The following ONECUT2 variants were observed in gnomAD, a reference collection of about 807,000 sequenced individuals.
The protein encoded by ONECUT2 is one cut domain family member 2.
Under a neutral mutation model 27.9 loss-of-function variants are expected in ONECUT2, and 10 were observed. The observed-to-expected ratio is 0.36, with a 90% CI of 0.22 to 0.61. The LOEUF is 0.61. ONECUT2 is among the 20% of genes least tolerant of loss of function. ONECUT2 has a pLI of 0.73. For missense variants in ONECUT2, 686 were observed against 721.0 expected (o/e 0.95, Z 0.56); for synonymous variants, 334 against 315.1 (o/e 1.06, Z -0.64).
chr18:57,478,504 C>A lies in ONECUT2; in HGVS notation c.*1781C>A, dbSNP rs190840530. ...AATCACCACCAATAAGAAGGAAGCA[C>A]GCCAGAAAATAAACGAAAACAAAAA... is the stretch of plus-strand genomic sequence containing the variant. On this transcript the variant is annotated 3_prime_UTR_variant, in exon 2 of 2. Coordinates refer to ENST00000491143, the MANE Select transcript of ONECUT2 (RefSeq NM_004852.3). 3 of 152,562 alleles carry A rather than the reference C, an allele frequency of 2.0e-5. No homozygotes were observed. The highest frequency in any genetic ancestry group is 2.9e-5 in the Non-Finnish European group (2 of 68,040). 9.5% of individuals were successfully genotyped at this position (152,562 alleles called of 1,614,324 possible). A position where few individuals can be genotyped will look rare whatever the true frequency, so the allele number is the denominator to read the frequency against.
chr18:57,441,486 C>G (rs931683471), intron 1 of ONECUT2, among the ~76,000 whole-genome samples: 2 of 152,228 alleles, frequency 1.3e-5, no homozygotes, highest in African/African-American at 4.8e-5. Flanking sequence ...CCTCCTCTCG[C>G]GGGGCTCTCT....
intron 1 of ONECUT2, among the ~76,000 whole-genome samples, chr18:57,450,611 G>A (rs148964770): frequency 8.5e-5 from 13 of 152,286 alleles, no homozygotes; most frequent in African/African-American, 2.4e-4. Context: ...TGATGTCTTC[G>A]TTAATAGCAA....
intron 1 of ONECUT2, among the ~76,000 whole-genome samples, chr18:57,473,262 C>A (rs2122149442): frequency 6.6e-6 from 1 of 152,324 alleles, no homozygotes; most frequent in Middle Eastern, 3.4e-3. Flanking sequence ...TTCCCTGGGT[C>A]TGCAGCAAAC....
At chr18:57,452,410 GTATTTTATTT>G (rs59877360) in intron 1 of ONECUT2, among the ~76,000 whole-genome samples, 16 of 150,886 alleles carry the variant, frequency 1.1e-4, no homozygotes, top group South Asian at 6.3e-4. Context: ...AGCTCAACCT[GTATTTTATTT>G]TATTTTATTT....
In ONECUT2 at chr18:57,488,901, T is replaced by TG. The variant is rs2050450778; in HGVS notation, c.*12178_*12179insG. 3.1e-5 allele frequency: 3 copies of TG among 97,858 alleles called. No homozygotes were observed. The highest frequency in any genetic ancestry group is 8.9e-5 in the Non-Finnish European group (3 of 33,630). 6.1% of individuals were successfully genotyped at this position (97,858 alleles called of 1,614,324 possible). A position where few individuals can be genotyped will look rare whatever the true frequency, so the allele number is the denominator to read the frequency against. On this transcript the variant is annotated 3_prime_UTR_variant, in exon 2 of 2. Transcript: ENST00000491143. ...GGGCCAAAAATCTCTAACCTCACTC[T>TG]CTCTGGACTCCAACACTTCCCTGCA...
At chr18:57,446,080 G>C (rs1233934891) in intron 1 of ONECUT2, among the ~76,000 whole-genome samples, 1 of 152,250 alleles carries the variant, frequency 6.6e-6, no homozygotes, top group Non-Finnish European at 1.5e-5. Context: ...GGTCACGCCA[G>C]TCAGTCTGTA....
intron 1 of ONECUT2, chr18:57,444,461 G>A (rs2144298884): frequency 2.2e-6 from 1 of 456,150 alleles, no homozygotes; most frequent in East Asian, 7.0e-5. Flanking sequence ...AAGGGTGATT[G>A]GCAGCCATTG....
At chr18:57,474,396 A>C (rs1383182297) in intron 1 of ONECUT2, among the ~76,000 whole-genome samples, 3 of 152,222 alleles carry the variant, frequency 2.0e-5, no homozygotes, top group Non-Finnish European at 2.9e-5. Flanking sequence ...CAACCACAAC[A>C]ACAAAATACC....
intron 1 of ONECUT2, among the ~76,000 whole-genome samples, chr18:57,466,563 C>A (rs930651248): frequency 6.6e-6 from 1 of 152,202 alleles, no homozygotes; most frequent in African/African-American, 2.4e-5. Context: ...GCTAAAGATC[C>A]CTCTTTGCCA....
At position 57,436,923 on chromosome 18, in the gene ONECUT2, A is replaced by T; in HGVS notation, c.1207A>T (p.Met403Leu). The T allele has an allele frequency of 3.1e-6, 5 of 1,608,046 alleles. No homozygotes were observed. The highest frequency in any genetic ancestry group is 4.2e-6 in the Non-Finnish European group (5 of 1,177,534). Residue 403 changes from methionine to leucine, a missense_variant, in exon 1 of 2, where the codon ATG becomes TTG. By Grantham distance (15) the Met-to-Leu change is conservative (BLOSUM62 2). Transcript: ENST00000491143. The surrounding 1 kb of genome is among the most constrained non-coding windows in gnomAD (Gnocchi z 5.9). Reference sequence around the variant, plus strand: ...GCTTCAGGAGCCCGAGTTCCAGCGCATGTCCGCCTTACGCCTGGCAGGTAA... The same window carrying T: ...GCTTCAGGAGCCCGAGTTCCAGCGCTTGTCCGCCTTACGCCTGGCAGGTAA... ...KWLQEPEFQR[M>L]SALRLAACKR...
chr18:57,449,764 C>A (rs1205153335), intron 1 of ONECUT2, among the ~76,000 whole-genome samples: 2 of 152,244 alleles, frequency 1.3e-5, no homozygotes, highest in Non-Finnish European at 2.9e-5. Flanking sequence ...TTCCTTATCT[C>A]ATCAGTCCTT....
chr18:57,477,002 A>C lies in ONECUT2; in HGVS notation c.*279A>C. The stretch of plus-strand genomic sequence containing the variant: ...CATGCTAAGCATCCCAGAAACCCAA[A>C]TGGGGCCTTCCTGGAGCGAGTTAAT... On this transcript the variant is annotated 3_prime_UTR_variant, in exon 2 of 2. Transcript: ENST00000491143. The C allele has an allele frequency of 9.5e-5, 40 of 421,844 alleles. No homozygotes were observed. Among genetic ancestry groups the C allele is most frequent in the Middle Eastern group, 6.6e-4 (1 of 1,512 alleles). 26.1% of individuals were successfully genotyped at this position (421,844 alleles called of 1,614,324 possible).
intron 1 of ONECUT2, among the ~76,000 whole-genome samples, chr18:57,445,965 G>A (rs2050198794): frequency 6.6e-6 from 1 of 152,370 alleles, no homozygotes; most frequent in South Asian, 2.1e-4. Context: ...TCAGAATAAT[G>A]TGCTCCATTA....
intron 1 of ONECUT2, among the ~76,000 whole-genome samples, chr18:57,451,018 C>A (rs913263111): frequency 6.6e-6 from 1 of 152,174 alleles, no homozygotes; most frequent in African/African-American, 2.4e-5. Context: ...CCTCACTTAC[C>A]TTTACATATC....
At position 57,485,677 on chromosome 18, in the gene ONECUT2, AG is replaced by A. The variant is rs1411921147; in HGVS notation, c.*8955del. On this transcript the variant is annotated 3_prime_UTR_variant, in exon 2 of 2. Transcript: ENST00000491143. The stretch of plus-strand genomic sequence containing the variant: ...TAATGTAGTTATTTTGAGCTTTTAA[AG>A]AGAGCATTTAGACAAAGAAGCAAAG... 2.0e-5 allele frequency: 3 copies of A among 152,226 alleles called. No individual in the cohort carries two copies. The highest frequency in any genetic ancestry group is 7.2e-5 in the African/African-American group (3 of 41,462). 9.4% of individuals were successfully genotyped at this position (152,226 alleles called of 1,614,324 possible).
intron 1 of ONECUT2, among the ~76,000 whole-genome samples, chr18:57,475,029 T>C (rs535687417): frequency 9.4e-4 from 140 of 148,156 alleles, no homozygotes; most frequent in African/African-American, 3.1e-3. Flanking sequence ...ACCACACCCC[T>C]AGGGGAGCTG....
chr18:57,476,803 C>G lies in ONECUT2; in HGVS notation c.*80C>G, dbSNP rs3745072. 6.8e-7 allele frequency: 1 copy of G among 1,472,218 alleles called. No individual in the cohort carries two copies. Among genetic ancestry groups the G allele is most frequent in the East Asian group, 2.4e-5 (1 of 41,396 alleles). 91.2% of individuals were successfully genotyped at this position (1,472,218 alleles called of 1,614,324 possible). On this transcript the variant is annotated 3_prime_UTR_variant, in exon 2 of 2. Coordinates refer to ENST00000491143, the MANE Select transcript of ONECUT2 (RefSeq NM_004852.3). Reference sequence around the variant, plus strand: ...AAAAGAAAACAAAGGAAAAAGACACCGGATTCCTAGCTGGGGCCCTTCACT... The same window carrying G: ...AAAAGAAAACAAAGGAAAAAGACACGGGATTCCTAGCTGGGGCCCTTCACT...
At chr18:57,449,972 G>A (rs35996685) in intron 1 of ONECUT2, among the ~76,000 whole-genome samples, 6,498 of 152,186 alleles carry the variant, frequency 0.043, 590 homozygotes, top group East Asian at 0.36. Context: ...GCTCTGGAGG[G>A]GAGATAGCAT....
At chr18:57,467,272 A>C (rs2050326678) in intron 1 of ONECUT2, 2 of 435,470 alleles carry the variant, frequency 4.6e-6, no homozygotes, top group Non-Finnish European at 9.3e-6. Flanking sequence ...CAGCTTCGAC[A>C]TCCAAGTGAA....
Sources: gnomAD v4.1 joint callset for allele counts (sites outside exome capture counted in the v4.1 genomes callset) on GRCh38, gnomAD v4.1.1 for gene constraint, Gnocchi (gnomAD v3.1) non-coding constraint, MANE v1.5 for transcripts, NCBI Gene and HGNC (gene_info 2026-07-23, HGNC 2026-07-21) for gene names.